VEGFC: variants seen among roughly 807,000 people sequenced by gnomAD.
VEGFC encodes FLT4 ligand DHM.
A neutral mutation model predicts 46.1 loss-of-function variants in VEGFC; 12 were observed. The observed-to-expected ratio is 0.26, with a 90% CI of 0.17 to 0.42. The LOEUF is 0.42. Among genes scored for constraint, VEGFC ranks in the 10% least tolerant of loss-of-function variants. The probability of loss-of-function intolerance (pLI) is 1.00; values close to 1 mark genes in which losing one functional copy is unlikely to be tolerated. For synonymous variants in VEGFC, 232 were observed against 195.5 expected (o/e 1.19, Z -1.56); for missense variants, 488 against 529.4 (o/e 0.92, Z 0.77).
At chr4:176,730,994 G>C (rs1734953459) in intron 1 of VEGFC, among the ~76,000 whole-genome samples, 1 of 152,002 alleles carries the variant, frequency 6.6e-6, no homozygotes, top group Non-Finnish European at 1.5e-5. Context: ...TGTGAATGTT[G>C]AGTTTACCCT....
chr4:176,698,752 T>C (rs1314402244), intron 4 of VEGFC, among the ~76,000 whole-genome samples: 1 of 152,158 alleles, frequency 6.6e-6, no homozygotes, highest in African/African-American at 2.4e-5. Flanking sequence ...CACTCTTCTA[T>C]TCTGTATCTA....
chr4:176,690,280 T>G (rs1579085395), intron 4 of VEGFC, among the ~76,000 whole-genome samples: 1 of 152,052 alleles, frequency 6.6e-6, no homozygotes, highest in East Asian at 1.9e-4. Context: ...GAGTTAAGAC[T>G]ATGAGAAAAA....
chr4:176,712,684 A>C (rs1484720907), intron 3 of VEGFC, among the ~76,000 whole-genome samples: 1 of 152,196 alleles, frequency 6.6e-6, no homozygotes, highest in Non-Finnish European at 1.5e-5. Context: ...GCCTTTGCTG[A>C]ACTTTCACGC....
At chr4:176,734,674 A>G in intron 1 of VEGFC, among the ~76,000 whole-genome samples, 1 of 151,916 alleles carries the variant, frequency 6.6e-6, no homozygotes, top group Non-Finnish European at 1.5e-5. Context: ...AAATAGCAAA[A>G]ACTAAGTGGC....
At chr4:176,713,163 C>T (rs1734644648) in intron 3 of VEGFC, among the ~76,000 whole-genome samples, 1 of 152,150 alleles carries the variant, frequency 6.6e-6, no homozygotes. Context: ...TAGGTATTCT[C>T]CACAATACTG....
chr4:176,738,695 G>A (rs1277577767), intron 1 of VEGFC, among the ~76,000 whole-genome samples: 1 of 152,046 alleles, frequency 6.6e-6, no homozygotes, highest in East Asian at 1.9e-4. Flanking sequence ...AGCAAAGATT[G>A]ACGAATGGGA....
At chr4:176,765,406 G>A (rs1224464820) in intron 1 of VEGFC, among the ~76,000 whole-genome samples, 1 of 151,966 alleles carries the variant, frequency 6.6e-6, no homozygotes, top group African/African-American at 2.4e-5. Context: ...ATTTAAAGAA[G>A]TAGTTTTCTA....
chr4:176,687,790 C>A (rs750245147), intron 5 of VEGFC, 31 bp downstream of exon 5: 2 of 1,456,212 alleles, frequency 1.4e-6, no homozygotes, highest in Non-Finnish European at 1.9e-6. Flanking sequence ...AGACCCCTGG[C>A]GTTTAGTCTT....
chr4:176,706,025 G>A (rs1265662623), intron 4 of VEGFC: 1 of 152,180 alleles, frequency 6.6e-6, no homozygotes, highest in Non-Finnish European at 1.5e-5. Context: ...CTTGTACTAT[G>A]TGATGTGTAT....
At chr4:176,695,062 TAAAA>T (rs1258229991) in intron 4 of VEGFC, among the ~76,000 whole-genome samples, 1 of 128,468 alleles carries the variant, frequency 7.8e-6, no homozygotes, top group African/African-American at 3.2e-5. Context: ...ACATCACAAT[TAAAA>T]GAACTAGAAA....
intron 1 of VEGFC, among the ~76,000 whole-genome samples, chr4:176,776,117 T>A (rs1341921572): frequency 1.3e-5 from 2 of 152,194 alleles, no homozygotes; most frequent in Non-Finnish European, 2.9e-5. Context: ...CTTTGGAAAG[T>A]TACTCCATAA....
chr4:176,765,550 AT>A (rs779746169), intron 1 of VEGFC, among the ~76,000 whole-genome samples: 1,632 of 131,490 alleles, frequency 0.012, 16 homozygotes, highest in African/African-American at 0.037. Flanking sequence ...CAAAGACAGA[AT>A]TTTTTTTTTT....
At chr4:176,727,744 G>T in intron 3 of VEGFC, 34 bp downstream of exon 3, 1 of 1,578,178 alleles carries the variant, frequency 6.3e-7, no homozygotes, top group Non-Finnish European at 8.6e-7. Flanking sequence ...GATTAAGGGG[G>T]CTCTCGCAGG....
chr4:176,690,826 T>C (rs879232118), intron 4 of VEGFC, among the ~76,000 whole-genome samples: 2 of 152,232 alleles, frequency 1.3e-5, no homozygotes, highest in Admixed American at 1.3e-4. Flanking sequence ...CACTGCCATG[T>C]TGGCATCGAG....
At chr4:176,774,432 C>G (rs538715481) in intron 1 of VEGFC, among the ~76,000 whole-genome samples, 3 of 152,100 alleles carry the variant, frequency 2.0e-5, no homozygotes, top group African/African-American at 7.2e-5. Context: ...CACTTCTGCT[C>G]GTCACTCAGC....
chr4:176,786,658 A>G (rs1227342417), intron 1 of VEGFC, among the ~76,000 whole-genome samples: 1 of 152,232 alleles, frequency 6.6e-6, no homozygotes, highest in African/African-American at 2.4e-5. Flanking sequence ...TGTTATAGAC[A>G]AGATCACTCA....
At chr4:176,789,651 T>A (rs1345156840) in intron 1 of VEGFC, among the ~76,000 whole-genome samples, 1 of 152,234 alleles carries the variant, frequency 6.6e-6, no homozygotes, top group African/African-American at 2.4e-5. Flanking sequence ...ACTGTCTTGT[T>A]TGTGTTAACA....
chr4:176,767,668 C>T (rs1039926678), intron 1 of VEGFC, among the ~76,000 whole-genome samples: 2 of 152,162 alleles, frequency 1.3e-5, no homozygotes, highest in Admixed American at 1.3e-4. Flanking sequence ...TTAATTGAAA[C>T]ACTGCCAGGG....
At chr4:176,791,028 G>C (rs1436144745) in intron 1 of VEGFC, among the ~76,000 whole-genome samples, 1 of 152,066 alleles carries the variant, frequency 6.6e-6, no homozygotes, top group Non-Finnish European at 1.5e-5. Flanking sequence ...AAGGTAGTTT[G>C]ATTTCCAAAA....
Sources: gnomAD v4.1 joint callset for allele counts (sites outside exome capture counted in the v4.1 genomes callset) on GRCh38, gnomAD v4.1.1 for gene constraint, MANE v1.5 for transcripts, NCBI Gene and HGNC (gene_info 2026-07-23, HGNC 2026-07-21) for gene names.